Variants in ARMH4 observed in about 807,000 individuals in gnomAD.
The protein encoded by ARMH4 is armadillo like helical domain containing 4.
Under a neutral mutation model 61.9 loss-of-function variants are expected in ARMH4, and 49 were observed. The ratio of observed to expected loss-of-function variants is 0.79; its 90% confidence interval spans 0.63 to 1.00. ARMH4 has a LOEUF of 1.00. ARMH4 is among the 50% of genes least tolerant of loss of function. ARMH4 has a pLI of 0.00. For missense variants in ARMH4, 934 were observed against 930.0 expected, an observed-to-expected ratio of 1.00 and a Z score of -0.06; for synonymous variants, 368 against 341.5, an observed-to-expected ratio of 1.08 and a Z score of -0.85.
rs141479560 is a variant in ARMH4 at position 58,129,404 on chromosome 14, C to T, written c.1831+2108G>A. On this transcript the variant is annotated intron_variant, in intron 4 of 7. Transcript: ENST00000267485. ...ATTTCCCAGAGAAATGCTCCTGCCC[C>T]CTAGTGAAAAAGGAAGATATTAAAA... 2.2e-3 allele frequency among the ~76,000 whole-genome samples: 333 copies of T among 152,208 alleles called. 2 individuals carry two copies. Among genetic ancestry groups the T allele is most frequent in the African/African-American group, 7.3e-3 (302 of 41,548 alleles).
chr14:58,139,561 C>T, intron 1 of ARMH4, 147 bp from the exon 2 acceptor site: 2 of 597,126 alleles, frequency 3.3e-6, no homozygotes, highest in South Asian at 2.2e-5. Context: ...TTTCTTTGTA[C>T]CTTTGAGACA....
intron 2 of ARMH4, among the ~76,000 whole-genome samples, chr14:58,134,046 G>A (rs538980630): frequency 2.0e-3 from 304 of 152,266 alleles, no homozygotes; most frequent in Non-Finnish European, 2.5e-3. Context: ...ATAAAATGGG[G>A]ATAATAATAG....
chr14:58,051,421 A>C (rs1884138555), intron 5 of ARMH4, among the ~76,000 whole-genome samples: 1 of 152,196 alleles, frequency 6.6e-6, no homozygotes. Context: ...CACTCATTCT[A>C]ATGTGCACAC....
chr14:58,045,042 A>C (rs1883881998), intron 5 of ARMH4, among the ~76,000 whole-genome samples: 1 of 152,210 alleles, frequency 6.6e-6, no homozygotes, highest in Non-Finnish European at 1.5e-5. Context: ...ACCATTGTGG[A>C]AGACAGTATG....
At chr14:58,075,769 T>C (rs905472222) in intron 5 of ARMH4, among the ~76,000 whole-genome samples, 2 of 152,016 alleles carry the variant, frequency 1.3e-5, no homozygotes, top group Non-Finnish European at 2.9e-5. Context: ...TTGGTGATGG[T>C]CAAAAAGAAA....
rs142025183 is a variant in ARMH4, at chr14:58,096,766, C to G, written c.2047G>C (p.Val683Leu). The G allele has an allele frequency of 6.2e-7, 1 of 1,613,982 alleles. No individual in the cohort carries two copies. The highest frequency in any genetic ancestry group is 1.3e-5 in the African/African-American group (1 of 74,922). The change falls in exon 5 of 8, where the codon GTG (valine) becomes CTG (leucine). Residue 683 changes from valine to leucine, a missense_variant. Physicochemically the swap from Val to Leu is conservative, Grantham distance 32. Transcript: ENST00000267485. Reference protein sequence around the residue: ...MDLLEGATYQVPDALEWEQQN... With the variant: ...MDLLEGATYQLPDALEWEQQN... The stretch of plus-strand genomic sequence containing the variant: ...TGTTCCCACTCGAGGGCATCTGGCA[C>G]CTGGTAGGTAGCTCCCTCCAACAGG...
chr14:58,141,237 A>G (rs1340933531), intron 1 of ARMH4: 1 of 283,630 alleles, frequency 3.5e-6, no homozygotes, highest in Non-Finnish European at 7.1e-6. Flanking sequence ...TATGTCTTTT[A>G]GCTCTTTTTC....
intron 5 of ARMH4, among the ~76,000 whole-genome samples, chr14:58,080,492 G>C (rs1885184300): frequency 6.6e-6 from 1 of 152,258 alleles, no homozygotes; most frequent in South Asian, 2.1e-4. Context: ...AGGACCAAAC[G>C]AATGTAGCCC....
intron 5 of ARMH4, among the ~76,000 whole-genome samples, chr14:58,056,774 C>T (rs771647708): frequency 1.3e-5 from 2 of 152,198 alleles, no homozygotes; most frequent in Non-Finnish European, 2.9e-5. Context: ...TCCATTGAAA[C>T]CCATTCTCCC....
intron 6 of ARMH4, among the ~76,000 whole-genome samples, chr14:58,010,555 C>T (rs897635086): frequency 1.2e-4 from 18 of 151,330 alleles, no homozygotes; most frequent in African/African-American, 2.4e-4. Context: ...AAAAATACTA[C>T]GGAAGAAAGT....
At chr14:58,067,870 A>T (rs1467205827) in intron 5 of ARMH4, among the ~76,000 whole-genome samples, 4 of 152,200 alleles carry the variant, frequency 2.6e-5, no homozygotes, top group Non-Finnish European at 5.9e-5. Context: ...GTAAAATAAG[A>T]AATCCCAAGA....
At chr14:58,073,956 C>T (rs1407816284) in intron 5 of ARMH4, among the ~76,000 whole-genome samples, 1 of 151,668 alleles carries the variant, frequency 6.6e-6, no homozygotes, top group Non-Finnish European at 1.5e-5. Flanking sequence ...ACAAAAAGGC[C>T]ATACAAATTT....
intron 5 of ARMH4, among the ~76,000 whole-genome samples, chr14:58,041,469 G>A (rs528894942): frequency 7.9e-5 from 12 of 152,238 alleles, no homozygotes; most frequent in East Asian, 3.9e-4. Context: ...AGGAACAACC[G>A]GTACCAGCCA....
At chr14:58,136,321 T>C (rs572627882) in intron 2 of ARMH4, among the ~76,000 whole-genome samples, 2 of 152,312 alleles carry the variant, frequency 1.3e-5, no homozygotes, top group South Asian at 2.1e-4. Context: ...ATGGATTCAA[T>C]TGTGCAGTGA....
At chr14:58,121,370 C>CA (rs949876519) in intron 4 of ARMH4, among the ~76,000 whole-genome samples, 1 of 152,030 alleles carries the variant, frequency 6.6e-6, no homozygotes, top group African/African-American at 2.4e-5. Flanking sequence ...CACACACACA[C>CA]AAAAAATAGA....
At chr14:58,145,937 C>T (rs1031570993) in intron 1 of ARMH4, among the ~76,000 whole-genome samples, 1 of 152,238 alleles carries the variant, frequency 6.6e-6, no homozygotes, top group Non-Finnish European at 1.5e-5. Context: ...GGATTTTCTC[C>T]ATCTTTCAAA....
At position 58,003,737 on chromosome 14, in the gene ARMH4, C is replaced by A. The variant is rs148695810; in HGVS notation, c.*999G>T. On this transcript the variant is annotated 3_prime_UTR_variant, in exon 8 of 8. Coordinates refer to ENST00000267485, the MANE Select transcript of ARMH4 (RefSeq NM_001001872.4). ...GGACTCTGGCCACTGGGCAGACAAA[C>A]GATAGAATGTCTATTTTTCTAATAA... The A allele has an allele frequency of 1.3e-5, 2 of 152,226 alleles. No homozygotes were observed. Among genetic ancestry groups the A allele is most frequent in the South Asian group, 4.2e-4 (2 of 4,818 alleles). 9.4% of individuals were successfully genotyped at this position (152,226 alleles called of 1,614,324 possible). A position where few individuals can be genotyped will look rare whatever the true frequency, so the allele number is the denominator to read the frequency against.
intron 5 of ARMH4, among the ~76,000 whole-genome samples, chr14:58,024,230 T>C (rs1882945629): frequency 6.6e-6 from 1 of 152,224 alleles, no homozygotes; most frequent in African/African-American, 2.4e-5. Context: ...TGAAAACCTG[T>C]GGTTTAGTGT....
chr14:58,097,698 T>TTTTA lies in ARMH4; in HGVS notation c.1832-721_1832-718dup, dbSNP rs1010052937. ...TTTTCTTGATTTTTTTTTTTTTATTTTTTATTTATTTATTTATTTATTTTT... is the reference window on the plus strand; with the variant it reads ...TTTTCTTGATTTTTTTTTTTTTATTTTTTATTTATTTATTTATTTATTTATTTTT... On this transcript the variant is annotated intron_variant, in intron 4 of 7. Transcript: ENST00000267485. 4.0e-5 allele frequency among the ~76,000 whole-genome samples: 6 copies of TTTTA among 149,494 alleles called. No homozygotes were observed. The South Asian group carries it at 8.4e-4, about 21-fold the overall frequency.
Sources: gnomAD v4.1 joint callset for allele counts (sites outside exome capture counted in the v4.1 genomes callset) on GRCh38, gnomAD v4.1.1 for gene constraint, MANE v1.5 for transcripts, NCBI Gene and HGNC (gene_info 2026-07-23, HGNC 2026-07-21) for gene names.